BSN: variants seen among roughly 807,000 people sequenced by gnomAD.
BSN encodes the protein protein bassoon.
In BSN, 57 loss-of-function variants were observed where a neutral mutation model predicts 264.8. The ratio of observed to expected loss-of-function variants is 0.22; its 90% CI spans 0.17 to 0.27. The LOEUF (loss-of-function observed/expected upper bound fraction) is 0.27, where lower values mean the gene tolerates loss of function less well. BSN is among the 10% of genes least tolerant of loss of function. BSN has a pLI of 1.00. For missense variants in BSN, 4,615 were observed against 5,232.5 expected, an observed-to-expected ratio of 0.88 and a Z score of 3.64; for synonymous variants, 2,059 against 2,137.3, an observed-to-expected ratio of 0.96 and a Z score of 1.01.
chr3:49,589,021 TCTC>T (rs1467160277), intron 1 of BSN, among the ~76,000 whole-genome samples: 1 of 151,362 alleles, frequency 6.6e-6, no homozygotes, highest in East Asian at 1.9e-4. Flanking sequence ...TTTACGCCAT[TCTC>T]CTGCCTCAGC....
At chr3:49,616,004 C>T (rs551827621) in intron 1 of BSN, among the ~76,000 whole-genome samples, 1 of 152,288 alleles carries the variant, frequency 6.6e-6, no homozygotes, top group East Asian at 1.9e-4. Flanking sequence ...TTGTCTATCT[C>T]ATCTTTTAAA....
chr3:49,660,663 C>T lies in BSN; in HGVS notation c.8818C>T (p.Leu2940=). 1 of 1,613,300 alleles carries T rather than the reference C, an allele frequency of 6.2e-7. No homozygotes were observed. The highest frequency in any genetic ancestry group is 2.2e-5 in the East Asian group (1 of 44,888). Residue 2940 remains leucine (L), a synonymous_variant, in exon 6 of 12, where the codon CTG becomes TTG. Transcript: ENST00000296452. The surrounding 1 kb of genome is among the most constrained non-coding windows in gnomAD (Gnocchi z 7.1). Reference sequence around the variant, plus strand: ...CACTGTCCCTGCTACCAAGGCCAGCCTGCTCCGGGAGCTGGACCGGGACCT... The same window carrying T: ...CACTGTCCCTGCTACCAAGGCCAGCTTGCTCCGGGAGCTGGACCGGGACCT... ...PTTVPATKAS[L]LRELDRDLRL...
At chr3:49,588,162 T>C (rs887950313) in intron 1 of BSN, among the ~76,000 whole-genome samples, 5 of 152,032 alleles carry the variant, frequency 3.3e-5, no homozygotes, top group South Asian at 4.2e-4. Flanking sequence ...CCTTAGGTAA[T>C]CTGCCTGCCT....
rs1364427804 is a variant in BSN at position 49,642,031 on chromosome 3, G to A, written c.634-237G>A. On this transcript the variant is annotated intron_variant, in intron 2 of 11. Coordinates refer to ENST00000296452, the MANE Select transcript of BSN (RefSeq NM_003458.4). The surrounding 1 kb of genome is among the most constrained non-coding windows in gnomAD (Gnocchi z 7.0). ...GGCAGGCAGTGAGTTGGTGGTTGGG[G>A]TGGGGTGGGGGATGGGACTGCCTCC... is the stretch of plus-strand genomic sequence containing the variant. Among the ~76,000 whole-genome samples, 3 of 151,494 alleles carry A rather than the reference G, an allele frequency of 2.0e-5. No homozygotes were observed. The highest frequency in any genetic ancestry group is 6.6e-5 in the Admixed American group (1 of 15,212).
At chr3:49,565,571 C>T (rs886503208) in intron 1 of BSN, among the ~76,000 whole-genome samples, 2 of 152,224 alleles carry the variant, frequency 1.3e-5, no homozygotes, top group South Asian at 4.2e-4. Context: ...CCACCCGCCT[C>T]GGCCTCCCAA....
At chr3:49,579,426 G>A (rs957313783) in intron 1 of BSN, among the ~76,000 whole-genome samples, 3 of 148,816 alleles carry the variant, frequency 2.0e-5, no homozygotes, top group Non-Finnish European at 3.0e-5. Context: ...TTTTTGAGAC[G>A]GAGTCTCGCA....
At chr3:49,620,093 G>T (rs1285648394) in intron 1 of BSN, among the ~76,000 whole-genome samples, 1 of 152,124 alleles carries the variant, frequency 6.6e-6, no homozygotes, top group Non-Finnish European at 1.5e-5. Context: ...GGGGAGACAA[G>T]CACAGTTTTA....
At chr3:49,597,502 A>T (rs539587989) in intron 1 of BSN, among the ~76,000 whole-genome samples, 1 of 149,600 alleles carries the variant, frequency 6.7e-6, no homozygotes, top group Admixed American at 6.6e-5. Context: ...GCACATTTTT[A>T]AATTTTTTTG....
intron 1 of BSN, among the ~76,000 whole-genome samples, chr3:49,558,869 T>C (rs1022667797): frequency 6.6e-6 from 1 of 152,208 alleles, no homozygotes; most frequent in African/African-American, 2.4e-5. Flanking sequence ...GTGCTGTTGA[T>C]TTAAAAAATG....
intron 1 of BSN, among the ~76,000 whole-genome samples, chr3:49,621,932 G>A (rs2052310183): frequency 6.6e-6 from 1 of 152,142 alleles, no homozygotes; most frequent in East Asian, 1.9e-4. Flanking sequence ...TAAAGAAGAG[G>A]AGAGAAATGG....
Position 49,657,788 on chromosome 3 carries a change from G to T in BSN, c.8232G>T (p.Leu2744=). The change falls in exon 5 of 12, where the codon CTG becomes CTT. Residue 2744 remains leucine (L), a synonymous_variant. Coordinates refer to ENST00000296452, the MANE Select transcript of BSN (RefSeq NM_003458.4). Reference sequence around the variant, plus strand: ...GGCCAACTGCCATCAGCCCCTACCTGCCTGGCATCCAGATCGTCACCCCAG... The same window carrying T: ...GGCCAACTGCCATCAGCCCCTACCTTCCTGGCATCCAGATCGTCACCCCAG... ...LVGPTAISPY[L]PGIQIVTPGP... 6.4e-7 allele frequency: 1 copy of T among 1,569,200 alleles called. No homozygotes were observed. The highest frequency in any genetic ancestry group is 8.7e-7 in the Non-Finnish European group (1 of 1,155,766).
chr3:49,625,431 A>G lies in BSN; in HGVS notation c.633+48A>G. The G allele has an allele frequency of 7.1e-7, 1 of 1,403,756 alleles. No individual in the cohort carries two copies. The highest frequency in any genetic ancestry group is 9.3e-7 in the Non-Finnish European group (1 of 1,077,342). 87.0% of individuals were successfully genotyped at this position (1,403,756 alleles called of 1,614,324 possible). A position where few individuals can be genotyped will look rare whatever the true frequency, so the allele number is the denominator to read the frequency against. On this transcript the variant is annotated intron_variant, in intron 2 of 11. Transcript: ENST00000296452. This position sits in a 1 kb window ranked among gnomAD's most constrained non-coding sequence, Gnocchi z 4.4. ...CCCACTCACCTGCTACCTCATTACC[A>G]TACCTCCCCTGGTTCCCTTCCCCTC...
rs1327955853 is a variant in BSN at position 49,654,591 on chromosome 3, C to T, written c.5035C>T (p.Leu1679Phe). 2 of 1,612,604 alleles carry T rather than the reference C, an allele frequency of 1.2e-6. No individual in the cohort carries two copies. ...AGCTGTCAAGCCCACTCCCATCATC[C>T]TCACTGACCAGGGCATGGACCTCAC... ...RTAVKPTPII[L>F]TDQGMDLTSL... The change falls in exon 5 of 12, where the codon CTC (leucine) becomes TTC (phenylalanine). Residue 1679 changes from leucine (L) to phenylalanine (F), a missense_variant. By Grantham distance (22) the Leu-to-Phe change is conservative. Transcript: ENST00000296452. The surrounding 1 kb of genome is among the most constrained non-coding windows in gnomAD (Gnocchi z 4.1).
intron 1 of BSN, among the ~76,000 whole-genome samples, chr3:49,571,129 G>C (rs2051791993): frequency 6.6e-6 from 1 of 152,150 alleles, no homozygotes; most frequent in South Asian, 2.1e-4. Flanking sequence ...ACAGTACTTA[G>C]TAGTAACTGA....
chr3:49,589,971 G>A (rs947149474), intron 1 of BSN, among the ~76,000 whole-genome samples: 6 of 151,810 alleles, frequency 4.0e-5, no homozygotes, highest in African/African-American at 1.5e-4. Context: ...CTGAGGAGAT[G>A]GGACTACAGT....
At position 49,661,011 on chromosome 3, in the gene BSN, T is replaced by C; in HGVS notation, c.9166T>C (p.Phe3056Leu). Residue 3056 changes from phenylalanine (F) to leucine (L), a missense_variant, in exon 6 of 12, where the codon TTC (phenylalanine) becomes CTC (leucine). Phe to Leu is a conservative substitution (Grantham distance 22). Coordinates refer to ENST00000296452, the MANE Select transcript of BSN (RefSeq NM_003458.4). ...SGPTAFQQPR[F>L]QPPAPQYSAG... Reference sequence around the variant, plus strand: ...TCCCACTGCCTTCCAGCAGCCCCGCTTCCAGCCTCCAGCCCCACAGTATTC... The same window carrying C: ...TCCCACTGCCTTCCAGCAGCCCCGCCTCCAGCCTCCAGCCCCACAGTATTC... The C allele has an allele frequency of 6.2e-7, 1 of 1,611,150 alleles. No individual in the cohort carries two copies. Among genetic ancestry groups the C allele is most frequent in the South Asian group, 1.1e-5 (1 of 91,070 alleles).
downstream of BSN, among the ~76,000 whole-genome samples, chr3:49,672,722 C>T (rs2052810082): frequency 6.6e-6 from 1 of 151,482 alleles, no homozygotes; most frequent in Non-Finnish European, 1.5e-5. Flanking sequence ...CTCAGGTGAT[C>T]CACCCGCCTC....
Position 49,656,542 on chromosome 3 carries a change from C to T in BSN, c.6986C>T (p.Ala2329Val), listed in dbSNP as rs143759341. 234 of 1,567,258 alleles carry T rather than the reference C, an allele frequency of 1.5e-4. No homozygotes were observed. The African/African-American group carries it at 2.4e-3, about 16-fold the overall frequency. The change falls in exon 5 of 12, where the codon GCC becomes GTC. Residue 2329 changes from alanine (A) to valine (V), a missense_variant. Ala to Val is a moderately conservative substitution (Grantham distance 64). This residue lies in a region of BSN where 3,415 missense variants were observed against 3,866.4 expected (regional missense o/e 0.88). Transcript: ENST00000296452. ...IKEAAGAPAP[A>V]PLAGQKPPAD... ...GAGGCTGCAGGAGCCCCAGCTCCTGCCCCACTAGCTGGCCAGAAGCCACCA... is the reference window on the plus strand; with the variant it reads ...GAGGCTGCAGGAGCCCCAGCTCCTGTCCCACTAGCTGGCCAGAAGCCACCA...
At chr3:49,658,621 G>A (rs1461893049) in intron 5 of BSN, among the ~76,000 whole-genome samples, 1 of 152,144 alleles carries the variant, frequency 6.6e-6, no homozygotes, top group African/African-American at 2.4e-5. Flanking sequence ...GGCTGCTCTC[G>A]TCCTCTCAGT....
Sources: gnomAD v4.1 joint callset for allele counts (sites outside exome capture counted in the v4.1 genomes callset) on GRCh38, gnomAD v4.1.1 for gene constraint, gnomAD v4.1.1 regional missense constraint, Gnocchi (gnomAD v3.1) non-coding constraint, MANE v1.5 for transcripts, NCBI Gene and HGNC (gene_info 2026-07-23, HGNC 2026-07-21) for gene names.